The following ARHGAP15 variants were observed in gnomAD, a reference collection of about 807,000 sequenced individuals.
ARHGAP15 encodes the protein Rho GTPase activating protein 15, also known as rho GTPase-activating protein 15.
In ARHGAP15, 51 loss-of-function variants were observed where a neutral mutation model predicts 63.7. The ratio of observed to expected loss-of-function variants is 0.80; its 90% CI spans 0.64 to 1.01. The LOEUF is 1.01. Ranked by LOEUF, ARHGAP15 falls within the 50% of genes least tolerant of loss-of-function variation. The pLI is 0.00. For synonymous variants in ARHGAP15, 191 were observed against 193.8 expected, an observed-to-expected ratio of 0.99 and a Z score of 0.12; for missense variants, 560 against 564.6, an observed-to-expected ratio of 0.99 and a Z score of 0.08.
chr2:143,201,348 TA>T (rs1386747444), intron 2 of ARHGAP15, among the ~76,000 whole-genome samples: 4 of 151,990 alleles, frequency 2.6e-5, no homozygotes, highest in African/African-American at 9.7e-5. Flanking sequence ...GGGCTCTTTT[TA>T]AATTTAATGT....
chr2:143,448,522 C>G (rs759275364), intron 8 of ARHGAP15, among the ~76,000 whole-genome samples: 10 of 152,116 alleles, frequency 6.6e-5, no homozygotes, highest in Non-Finnish European at 1.2e-4. Flanking sequence ...CAGGTCCAAA[C>G]TAGGCAGTAG....
At chr2:143,665,148 C>G (rs1177383118) in intron 12 of ARHGAP15, among the ~76,000 whole-genome samples, 4 of 150,430 alleles carry the variant, frequency 2.7e-5, no homozygotes, top group African/African-American at 9.7e-5. Context: ...CCTTGATGAA[C>G]ATTGATGCAA....
At chr2:143,718,470 T>C (rs961871728) in intron 13 of ARHGAP15, among the ~76,000 whole-genome samples, 3 of 152,334 alleles carry the variant, frequency 2.0e-5, no homozygotes, top group African/African-American at 7.2e-5. Flanking sequence ...TTTTGGTCTA[T>C]AATTTTTCCC....
intron 6 of ARHGAP15, among the ~76,000 whole-genome samples, chr2:143,279,623 C>T (rs1681744191): frequency 6.6e-6 from 1 of 152,080 alleles, no homozygotes; most frequent in African/African-American, 2.4e-5. Context: ...ATTTAGATTA[C>T]AGAATTCTAT....
intron 6 of ARHGAP15, among the ~76,000 whole-genome samples, chr2:143,267,668 C>A (rs553336195): frequency 6.6e-6 from 1 of 152,110 alleles, no homozygotes; most frequent in Non-Finnish European, 1.5e-5. Flanking sequence ...GTATGTTATA[C>A]ATCATCAAAT....
chr2:143,488,763 T>C (rs1402357305), intron 9 of ARHGAP15, among the ~76,000 whole-genome samples: 1 of 152,182 alleles, frequency 6.6e-6, no homozygotes, highest in Non-Finnish European at 1.5e-5. Context: ...ATCTGAAAAA[T>C]TAGCTAGCAC....
chr2:143,325,380 C>G (rs1380576179), intron 6 of ARHGAP15, among the ~76,000 whole-genome samples: 3 of 152,108 alleles, frequency 2.0e-5, no homozygotes, highest in African/African-American at 4.8e-5. Flanking sequence ...GCCTCCTCCT[C>G]AACAAAACAC....
chr2:143,723,078 A>T (rs1479193447), intron 13 of ARHGAP15, among the ~76,000 whole-genome samples: 1 of 152,202 alleles, frequency 6.6e-6, no homozygotes, highest in African/African-American at 2.4e-5. Flanking sequence ...TCAATACACA[A>T]ATACCACTGT....
chr2:143,369,440 G>A (rs1156592043), intron 6 of ARHGAP15, among the ~76,000 whole-genome samples: 1 of 152,012 alleles, frequency 6.6e-6, no homozygotes, highest in Non-Finnish European at 1.5e-5. Flanking sequence ...ACAAACCTTT[G>A]AGCTTAGAAG....
At chr2:143,687,187 G>A (rs1683390524) in intron 12 of ARHGAP15, among the ~76,000 whole-genome samples, 1 of 152,056 alleles carries the variant, frequency 6.6e-6, no homozygotes, top group African/African-American at 2.4e-5. Flanking sequence ...AGAAAAGAGG[G>A]ATTGATATGG....
At chr2:143,596,578 C>A (rs998546569) in intron 11 of ARHGAP15, among the ~76,000 whole-genome samples, 3 of 152,072 alleles carry the variant, frequency 2.0e-5, no homozygotes, top group African/African-American at 7.2e-5. Flanking sequence ...GCCACTATTT[C>A]CAAAGCCACC....
At chr2:143,493,178 A>G (rs534707422) in intron 9 of ARHGAP15, among the ~76,000 whole-genome samples, 1 of 152,122 alleles carries the variant, frequency 6.6e-6, no homozygotes, top group East Asian at 1.9e-4. Context: ...TAATATCACA[A>G]CTCCCGTGAC....
intron 13 of ARHGAP15, among the ~76,000 whole-genome samples, chr2:143,720,172 C>G (rs1448649754): frequency 6.6e-6 from 1 of 152,000 alleles, no homozygotes; most frequent in Non-Finnish European, 1.5e-5. Flanking sequence ...CCAGAGAGAG[C>G]GTTTTGTTCG....
intron 6 of ARHGAP15, among the ~76,000 whole-genome samples, chr2:143,269,531 A>T (rs1156269463): frequency 1.3e-5 from 2 of 152,186 alleles, no homozygotes; most frequent in African/African-American, 4.8e-5. Flanking sequence ...TGAAGAATGA[A>T]TTCTCTTTTA....
intron 6 of ARHGAP15, among the ~76,000 whole-genome samples, chr2:143,346,359 C>T (rs1558909975): frequency 6.6e-6 from 1 of 151,960 alleles, no homozygotes; most frequent in Admixed American, 6.6e-5. Flanking sequence ...TTTTTCCCTA[C>T]TGGTCTTTCC....
At chr2:143,153,535 A>G (rs1242807487) in intron 1 of ARHGAP15, among the ~76,000 whole-genome samples, 2 of 152,114 alleles carry the variant, frequency 1.3e-5, no homozygotes, top group African/African-American at 4.8e-5. Flanking sequence ...GTGATTTATT[A>G]CTGAAGAATC....
At chr2:143,606,067 A>AAAAAAAAAAAC (rs1559076923) in intron 11 of ARHGAP15, among the ~76,000 whole-genome samples, 1 of 43,774 alleles carries the variant, frequency 2.3e-5, no homozygotes, top group Non-Finnish European at 6.9e-5. Flanking sequence ...AAAAAAAAAA[A>AAAAAAAAAAAC]AAAGCCATAC....
intron 6 of ARHGAP15, among the ~76,000 whole-genome samples, chr2:143,328,343 A>G (rs1239968675): frequency 1.3e-5 from 2 of 152,226 alleles, no homozygotes; most frequent in East Asian, 3.8e-4. Flanking sequence ...ACCAACCCAA[A>G]TGTCCATTAA....
chr2:143,531,569 A>G (rs1694525972), intron 10 of ARHGAP15, among the ~76,000 whole-genome samples: 1 of 152,222 alleles, frequency 6.6e-6, no homozygotes, highest in African/African-American at 2.4e-5. Flanking sequence ...GAATATTTTA[A>G]CCTCTACAAT....
Sources: gnomAD v4.1 joint callset for allele counts (sites outside exome capture counted in the v4.1 genomes callset) on GRCh38, gnomAD v4.1.1 for gene constraint, MANE v1.5 for transcripts, NCBI Gene and HGNC (gene_info 2026-07-23, HGNC 2026-07-21) for gene names.